EML1: variants seen among roughly 807,000 people sequenced by gnomAD.
EML1 encodes echinoderm microtubule-associated protein-like 1.
Under a neutral mutation model 110.4 loss-of-function variants are expected in EML1, and 27 were observed. That is an observed-to-expected ratio of 0.24 (90% CI 0.18 to 0.34). The LOEUF (loss-of-function observed/expected upper bound fraction) is 0.34, where lower values mean the gene tolerates loss of function less well. Ranked by LOEUF, EML1 falls within the 10% of genes least tolerant of loss-of-function variation. The pLI is 1.00. For synonymous variants in EML1, 344 were observed against 385.8 expected, an observed-to-expected ratio of 0.89 and a Z score of 1.27; for missense variants, 741 against 1,030.9, an observed-to-expected ratio of 0.72 and a Z score of 3.85.
chr14:99,837,195 C>T (rs1244990093), intron 1 of EML1, among the ~76,000 whole-genome samples: 2 of 152,118 alleles, frequency 1.3e-5, no homozygotes, highest in African/African-American at 4.8e-5. Context: ...CCTGGACTTA[C>T]AGCCGTGTGT....
chr14:99,870,384 A>T (rs1050541357), intron 3 of EML1, among the ~76,000 whole-genome samples: 1 of 152,248 alleles, frequency 6.6e-6, no homozygotes, highest in African/African-American at 2.4e-5. Flanking sequence ...ATAAAAGTGC[A>T]AGGTAAAGCA....
Position 99,905,971 on chromosome 14 carries a change from A to T in EML1, c.1009-1667A>T, listed in dbSNP as rs1421133870. Among the ~76,000 whole-genome samples, 1 of 152,038 alleles carries T rather than the reference A, an allele frequency of 6.6e-6. No homozygotes were observed. Among genetic ancestry groups the T allele is most frequent in the Non-Finnish European group, 1.5e-5 (1 of 68,016 alleles). On this transcript the variant is annotated intron_variant, in intron 9 of 21. Transcript: ENST00000262233. This position sits in a 1 kb window ranked among gnomAD's most constrained non-coding sequence, Gnocchi z 4.1. ...ATCAGCCATTCGGTGTGTACAGATG[A>T]TTTTTCTTTGCATCAGGGGTCTCCA... is the stretch of plus-strand genomic sequence containing the variant.
chr14:99,821,277 G>A (rs1426065187), intron 1 of EML1, among the ~76,000 whole-genome samples: 2 of 152,098 alleles, frequency 1.3e-5, no homozygotes, highest in African/African-American at 4.8e-5. Flanking sequence ...AAAGTGTTGC[G>A]ATTACAGGCT....
At chr14:99,838,270 T>C (rs893343628) in intron 1 of EML1, among the ~76,000 whole-genome samples, 17 of 151,916 alleles carry the variant, frequency 1.1e-4, no homozygotes, top group Non-Finnish European at 4.4e-5. Context: ...TAGAAGTTAG[T>C]AGAAAAAATT....
intron 1 of EML1, among the ~76,000 whole-genome samples, chr14:99,777,659 A>G (rs1238827567): frequency 6.6e-6 from 1 of 152,006 alleles, no homozygotes; most frequent in East Asian, 1.9e-4. Context: ...ACCTCAAGCA[A>G]TCCGCCCGCC....
At chr14:99,807,143 C>G (rs548449792) in intron 1 of EML1, among the ~76,000 whole-genome samples, 4 of 152,070 alleles carry the variant, frequency 2.6e-5, no homozygotes, top group African/African-American at 9.7e-5. Flanking sequence ...CACGTGCAGA[C>G]GAATAATGAA....
At chr14:99,786,516 T>A (rs1199217785) in intron 1 of EML1, among the ~76,000 whole-genome samples, 2 of 152,210 alleles carry the variant, frequency 1.3e-5, no homozygotes, top group Admixed American at 6.5e-5. Flanking sequence ...CAAAGCAGAC[T>A]GGCACAAGGG....
In EML1 at chr14:99,939,989, T is replaced by G. The variant is rs748287058; in HGVS notation, c.2325T>G (p.Ala775=). The G allele has an allele frequency of 6.3e-7, 1 of 1,582,698 alleles. No individual in the cohort carries two copies. The highest frequency in any genetic ancestry group is 1.2e-5 in the South Asian group (1 of 86,786). The part of the protein sequence containing the change: ...LFSYPCSQFR[A]PSHIYGGHSS... ...TTCCCCCGTATCATTCCCTCCAGGC[T>G]CCAAGCCACATCTACGGCGGGCACA... is the stretch of plus-strand genomic sequence containing the variant. The change falls in exon 22 of 22, where the codon GCT becomes GCG. Residue 775 remains alanine, a splice_region_variant and synonymous_variant. Transcript: ENST00000262233. The surrounding 1 kb of genome is among the most constrained non-coding windows in gnomAD (Gnocchi z 4.2).
upstream of EML1, chr14:99,793,197 G>A (rs2057700031): frequency 8.6e-6 from 3 of 347,162 alleles, no homozygotes; most frequent in Non-Finnish European, 1.2e-5. Context: ...GAAAGAGGCC[G>A]CAGGCGCGGG....
upstream of EML1, among the ~76,000 whole-genome samples, chr14:99,789,599 A>G (rs2057639319): frequency 6.6e-6 from 1 of 152,228 alleles, no homozygotes; most frequent in African/African-American, 2.4e-5. Flanking sequence ...TATGTGCTAC[A>G]TTCCCAGCCC....
rs576993121 is a variant in EML1 at position 99,914,436 on chromosome 14, A to G, written c.1621-130A>G. ...CCCCAGAGTGTCTGTGGCTGCTGAA[A>G]GATGGGAGGAGAGAAACTGTTGAGA... On this transcript the variant is annotated intron_variant, in intron 14 of 21. Transcript: ENST00000262233. The G allele has an allele frequency of 2.9e-5, 44 of 1,527,834 alleles. No homozygotes were observed. The East Asian group carries it at 9.5e-4, about 33-fold the overall frequency. The allele number at this position is 1,527,834 out of a possible 1,614,324, so 94.6% of individuals were successfully genotyped here.
chr14:99,747,800 T>C (rs1294584007), intron 1 of EML1, among the ~76,000 whole-genome samples: 1 of 152,142 alleles, frequency 6.6e-6, no homozygotes, highest in Non-Finnish European at 1.5e-5. Flanking sequence ...CACGGGGACT[T>C]GGTGCTGCCC....
chr14:99,919,425 G>GACACACACACACACACAC (rs376238109), intron 16 of EML1, among the ~76,000 whole-genome samples: 3 of 97,468 alleles, frequency 3.1e-5, no homozygotes, highest in Non-Finnish European at 4.8e-5. Context: ...CATGCACACA[G>GACACACACACACACACAC]ACACACACAC....
chr14:99,761,346 G>T (rs2057311924), intron 1 of EML1, among the ~76,000 whole-genome samples: 1 of 152,204 alleles, frequency 6.6e-6, no homozygotes, highest in Non-Finnish European at 1.5e-5. Flanking sequence ...AATATTTGTG[G>T]AGTGGCTGTT....
At chr14:99,882,312 G>A (rs1254931351) in intron 4 of EML1, among the ~76,000 whole-genome samples, 4 of 152,136 alleles carry the variant, frequency 2.6e-5, no homozygotes. Flanking sequence ...ATAGAAAATT[G>A]GCTGCTTATT....
intron 1 of EML1, chr14:99,838,918 C>CGCGCGTGT (rs3071409): frequency 3.0e-5 from 1 of 33,614 alleles, no homozygotes; most frequent in South Asian, 1.0e-3. Flanking sequence ...CGCGCGCGCG[C>CGCGCGTGT]GTGTGTGTGT....
At chr14:99,756,278 TG>T (rs1235737898) in intron 1 of EML1, among the ~76,000 whole-genome samples, 12 of 152,014 alleles carry the variant, frequency 7.9e-5, no homozygotes, top group Non-Finnish European at 1.8e-4. Context: ...GGTTTGGTGG[TG>T]GGGGCAGGGT....
chr14:99,779,120 C>T (rs1320481786), intron 1 of EML1, among the ~76,000 whole-genome samples: 1 of 151,934 alleles, frequency 6.6e-6, no homozygotes, highest in Non-Finnish European at 1.5e-5. Context: ...GATGATTTCC[C>T]TTCCTCTATT....
At chr14:99,832,918 T>C (rs1428184019) in intron 1 of EML1, among the ~76,000 whole-genome samples, 1 of 152,216 alleles carries the variant, frequency 6.6e-6, no homozygotes, top group Non-Finnish European at 1.5e-5. Context: ...TTATTTTAGA[T>C]TCAAGGGGTA....
Sources: allele counts gnomAD v4.1 joint callset (sites outside exome capture counted in the v4.1 genomes callset), GRCh38; gene constraint gnomAD v4.1.1; non-coding constraint Gnocchi (gnomAD v3.1); transcripts MANE v1.5; gene names NCBI Gene and HGNC (gene_info 2026-07-23, HGNC 2026-07-21).